Variants in SIM1 observed in about 807,000 individuals in gnomAD.
The protein encoded by SIM1 is SIM bHLH transcription factor 1.
Under a neutral mutation model 78.2 loss-of-function variants are expected in SIM1, and 18 were observed. The observed-to-expected ratio is 0.23, with a 90% CI of 0.16 to 0.34. The LOEUF is 0.34. Ranked by LOEUF, SIM1 falls within the 10% of genes least tolerant of loss-of-function variation. The pLI is 1.00. For missense variants in SIM1, 939 were observed against 975.1 expected (o/e 0.96, Z 0.49); for synonymous variants, 417 against 385.2 (o/e 1.08, Z -0.97).
intron 9 of SIM1, among the ~76,000 whole-genome samples, chr6:100,446,428 G>T (rs1772356071): frequency 6.6e-6 from 1 of 152,136 alleles, no homozygotes. Context: ...CGTGGGGAGA[G>T]CGCAACAGCA....
At chr6:100,447,055 C>T (rs539163638) in intron 9 of SIM1, among the ~76,000 whole-genome samples, 61 of 152,308 alleles carry the variant, frequency 4.0e-4, no homozygotes, top group African/African-American at 1.4e-3. Flanking sequence ...GATGGAAAAA[C>T]TCCTAAATCT....
chr6:100,452,462 C>G, intron 3 of SIM1, among the ~76,000 whole-genome samples: 1 of 152,158 alleles, frequency 6.6e-6, no homozygotes, highest in East Asian at 1.9e-4. Flanking sequence ...GCATCTAATT[C>G]TTGCTATCAA....
intron 10 of SIM1, among the ~76,000 whole-genome samples, chr6:100,403,062 C>A (rs1225123924): frequency 6.6e-6 from 1 of 152,104 alleles, no homozygotes; most frequent in Admixed American, 6.5e-5. Flanking sequence ...TTTAATTTTC[C>A]TGAAACCTCT....
intron 11 of SIM1, among the ~76,000 whole-genome samples, chr6:100,392,182 A>T (rs920764552): frequency 7.2e-5 from 11 of 152,180 alleles, no homozygotes; most frequent in African/African-American, 1.4e-4. Context: ...CTCAAAAAAA[A>T]TTTTTTTAGA....
At position 100,449,434 on chromosome 6, in the gene SIM1, G is replaced by A; in HGVS notation, c.472C>T (p.Arg158Cys). Residue 158 changes from arginine to cysteine, a missense_variant, in exon 6 of 12, where the codon CGC becomes TGC. This residue lies in a region of SIM1 where 187 missense variants were observed against 191.6 expected (regional missense o/e 0.98). Transcript: ENST00000369208. ...SHFVQEYEIERSFFLRMKCVL... is the reference protein window; with the variant it reads ...SHFVQEYEIECSFFLRMKCVL... ...CACTTCATCCTCAGGAAGAAGGAGC[G>A]CTCGATCTCATACTCTGGGAGAGAG... 1 of 1,613,900 alleles carries A rather than the reference G, an allele frequency of 6.2e-7. No individual in the cohort carries two copies. Among genetic ancestry groups the A allele is most frequent in the Non-Finnish European group, 8.5e-7 (1 of 1,179,818 alleles).
chr6:100,412,560 AAAG>A (rs1259653675), intron 10 of SIM1, among the ~76,000 whole-genome samples: 4 of 28,962 alleles, frequency 1.4e-4, no homozygotes, highest in Non-Finnish European at 2.0e-4. Flanking sequence ...GAAAGAAAAG[AAAG>A]AAAGAAAGAA....
chr6:100,448,046 C>T, intron 8 of SIM1, 100 bp downstream of exon 8: 1 of 950,154 alleles, frequency 1.1e-6, no homozygotes, highest in Non-Finnish European at 1.6e-6. Flanking sequence ...CCCTGGGCTC[C>T]CACCTGTCCT....
intron 8 of SIM1, 84 bp downstream of exon 8, chr6:100,448,062 G>A (rs772016743): frequency 2.0e-4 from 221 of 1,132,232 alleles, no homozygotes; most frequent in Non-Finnish European, 2.6e-4. Flanking sequence ...GTCCTCTTGC[G>A]AGGGATTTAA....
In SIM1 at chr6:100,455,059, T is replaced by C. The variant is rs991671540; in HGVS notation, c.176-1215A>G. On this transcript the variant is annotated intron_variant, in intron 2 of 11. Coordinates refer to ENST00000369208, the MANE Select transcript of SIM1 (RefSeq NM_005068.3). ...ACAATGATGAACACTCGCCTTGTAA[T>C]ATGAGGTTGGGGGCAGATCTTTCAA... Among the ~76,000 whole-genome samples the C allele has an allele frequency of 9.9e-5, 15 of 152,058 alleles. 1 individual carries two copies. The highest frequency in any genetic ancestry group is 3.6e-4 in the African/African-American group (15 of 41,396).
In SIM1 at chr6:100,385,430, A is replaced by T. The variant is rs1388422865; in HGVS notation, c.*4931T>A. On this transcript the variant is annotated 3_prime_UTR_variant, in exon 12 of 12. Transcript: ENST00000369208. ...AAAAAAGACTTACAGTACTTCCAAA[A>T]TTTTTTTCCAGGCCAATTTCATTTC... is the stretch of plus-strand genomic sequence containing the variant. The T allele has an allele frequency of 6.6e-6, 1 of 151,930 alleles. No homozygotes were observed. The highest frequency in any genetic ancestry group is 2.4e-5 in the African/African-American group (1 of 41,374). The allele number at this position is 151,930 out of a possible 1,614,324, so 9.4% of individuals were successfully genotyped here. A position where few individuals can be genotyped will look rare whatever the true frequency, so the allele number is the denominator to read the frequency against.
At chr6:100,430,296 A>G (rs1474783036) in intron 9 of SIM1, among the ~76,000 whole-genome samples, 2 of 152,218 alleles carry the variant, frequency 1.3e-5, no homozygotes, top group African/African-American at 4.8e-5. Flanking sequence ...TACATTCGAC[A>G]GATCTGATAT....
rs763510757 is a variant in SIM1, at chr6:100,393,753, G to A, written c.1304C>T (p.Ala435Val). 7 of 1,614,244 alleles carry A rather than the reference G, an allele frequency of 4.3e-6. No homozygotes were observed. In the South Asian group the frequency reaches 7.7e-5, roughly 18 times the overall value. ...RPGSQHDASC[A>V]YRQFSDRSSL... ...GCTGCGGTCCGAAAACTGTCTGTAG[G>A]CGCACGATGCGTCGTGCTGGGAGCC... is the stretch of plus-strand genomic sequence containing the variant. Residue 435 changes from alanine (A) to valine (V), a missense_variant, in exon 11 of 12, where the codon GCC becomes GTC. Around this residue, in one of 5 missense-constraint regions of SIM1, gnomAD observed 556 missense variants for 521.9 expected, o/e 1.07. Transcript: ENST00000369208.
intron 2 of SIM1, among the ~76,000 whole-genome samples, chr6:100,460,378 G>A (rs1445037704): frequency 3.3e-5 from 5 of 152,244 alleles, no homozygotes; most frequent in Middle Eastern, 6.8e-3. Context: ...TAGCCTTTTG[G>A]CATTACAGTG....
intron 10 of SIM1, 44 bp downstream of exon 10, chr6:100,420,746 A>T: frequency 6.3e-7 from 1 of 1,585,130 alleles, no homozygotes; most frequent in Non-Finnish European, 8.7e-7. Flanking sequence ...AGTTCAAACC[A>T]TGTCGCCAAA....
intron 10 of SIM1, among the ~76,000 whole-genome samples, chr6:100,418,471 T>C (rs1405234917): frequency 6.6e-6 from 1 of 152,168 alleles, no homozygotes; most frequent in African/African-American, 2.4e-5. Context: ...TGTATAACTT[T>C]CCAGTTAACT....
intron 10 of SIM1, among the ~76,000 whole-genome samples, chr6:100,420,046 G>A (rs751362716): frequency 5.9e-5 from 9 of 152,176 alleles, no homozygotes; most frequent in Non-Finnish European, 1.3e-4. Context: ...GAGGTGAGGT[G>A]GCCACAGGAT....
At chr6:100,407,338 C>T (rs9403748) in intron 10 of SIM1, among the ~76,000 whole-genome samples, 20,647 of 152,040 alleles carry the variant, frequency 0.14, 1,919 homozygotes, top group East Asian at 0.43. Context: ...TACATAGATA[C>T]ATTTTTTAAT....
rs114523604 is a variant in SIM1, at chr6:100,389,986, G to A, written c.*375C>T. On this transcript the variant is annotated 3_prime_UTR_variant, in exon 12 of 12. Coordinates refer to ENST00000369208, the MANE Select transcript of SIM1 (RefSeq NM_005068.3). ...TATTTCCATATGTAAAATGTATACC[G>A]CAGTTTGTAAGTAATAGTTTGTGTG... 2,007 of 381,984 alleles carry A rather than the reference G, an allele frequency of 5.3e-3. 41 individuals are homozygous for A. Among genetic ancestry groups the A allele is most frequent in the African/African-American group, 0.038 (1,848 of 48,288 alleles). The allele number at this position is 381,984 out of a possible 1,614,324, so 23.7% of individuals were successfully genotyped here.
In SIM1 at chr6:100,426,062, G is replaced by A. The variant is rs3822980; in HGVS notation, c.999-5104C>T. On this transcript the variant is annotated intron_variant, in intron 9 of 11. Transcript: ENST00000369208. ...CTCAGACATGATTGGCATATGGAAA[G>A]GAACTGTGGCACATGCCATTTGACA... Among the ~76,000 whole-genome samples, 1,745 of 152,300 alleles carry A rather than the reference G, an allele frequency of 0.011. 82 individuals carry two copies. In the East Asian group the frequency reaches 0.14, roughly 12 times the overall value.
Sources: allele counts gnomAD v4.1 joint callset (sites outside exome capture counted in the v4.1 genomes callset), GRCh38; gene constraint gnomAD v4.1.1; regional missense constraint gnomAD v4.1.1; transcripts MANE v1.5; gene names NCBI Gene and HGNC (gene_info 2026-07-23, HGNC 2026-07-21).